ADCK1: variants seen among roughly 807,000 people sequenced by gnomAD.
ADCK1 encodes aarF domain-containing protein kinase 1.
Under a neutral mutation model 52.3 loss-of-function variants are expected in ADCK1, and 41 were observed. The ratio of observed to expected loss-of-function variants is 0.78; its 90% CI spans 0.61 to 1.02. ADCK1 has a LOEUF of 1.02. Ranked by LOEUF, ADCK1 falls within the 50% of genes least tolerant of loss-of-function variation. The pLI is 0.00. For synonymous variants in ADCK1, 250 were observed against 274.6 expected (o/e 0.91, Z 0.89); for missense variants, 658 against 679.5 (o/e 0.97, Z 0.35).
chr14:77,905,782 C>G (rs2083652810), intron 6 of ADCK1, among the ~76,000 whole-genome samples: 1 of 152,110 alleles, frequency 6.6e-6, no homozygotes, highest in Non-Finnish European at 1.5e-5. Context: ...CCACAGCATT[C>G]CAGCCTGGGT....
chr14:77,827,988 C>A (rs1389277838), intron 3 of ADCK1: 1 of 287,272 alleles, frequency 3.5e-6, no homozygotes, highest in Non-Finnish European at 6.8e-6. Flanking sequence ...GCCACCATGC[C>A]CGGATAATTT....
intron 4 of ADCK1, among the ~76,000 whole-genome samples, chr14:77,886,148 T>G (rs1209117686): frequency 6.6e-6 from 1 of 152,250 alleles, no homozygotes; most frequent in East Asian, 1.9e-4. Flanking sequence ...CCCTGGGGTC[T>G]CTGCTGGAGT....
chr14:77,879,019 CACA>C (rs1386783174), intron 4 of ADCK1, among the ~76,000 whole-genome samples: 2 of 151,938 alleles, frequency 1.3e-5, no homozygotes, highest in Admixed American at 6.6e-5. Context: ...TCATTATTAT[CACA>C]ACATTTCCGT....
At chr14:77,932,522 A>G (rs968398108) in intron 10 of ADCK1, among the ~76,000 whole-genome samples, 2 of 152,242 alleles carry the variant, frequency 1.3e-5, no homozygotes, top group African/African-American at 4.8e-5. Context: ...GAGAAAGCCT[A>G]GGTAATGCTC....
chr14:77,850,073 G>T (rs1404238249), intron 3 of ADCK1, among the ~76,000 whole-genome samples: 1 of 152,120 alleles, frequency 6.6e-6, no homozygotes, highest in Non-Finnish European at 1.5e-5. Flanking sequence ...TGGGTGTGGT[G>T]GTGTGTGCCT....
intron 6 of ADCK1, among the ~76,000 whole-genome samples, chr14:77,903,719 G>C (rs2083598182): frequency 6.6e-6 from 1 of 152,106 alleles, no homozygotes; most frequent in East Asian, 1.9e-4. Flanking sequence ...GGTGTGCAGG[G>C]CCATGCCAGG....
intron 3 of ADCK1, among the ~76,000 whole-genome samples, chr14:77,854,517 C>G (rs1192119272): frequency 6.7e-6 from 1 of 149,512 alleles, no homozygotes; most frequent in African/African-American, 2.5e-5. Flanking sequence ...CCAGGGTCAA[C>G]TAATTCTTAG....
intron 1 of ADCK1, among the ~76,000 whole-genome samples, chr14:77,805,175 C>T (rs1278818155): frequency 7.0e-6 from 1 of 142,752 alleles, no homozygotes; most frequent in African/African-American, 2.6e-5. Context: ...CACTGCACTC[C>T]AGCCTGGGCA....
At chr14:77,825,684 C>G (rs1263206642) in intron 3 of ADCK1, among the ~76,000 whole-genome samples, 1 of 150,872 alleles carries the variant, frequency 6.6e-6, no homozygotes, top group Non-Finnish European at 1.5e-5. Flanking sequence ...TCTTGTCACC[C>G]AGGCTGGAGT....
chr14:77,890,039 C>G (rs148310873), intron 5 of ADCK1, among the ~76,000 whole-genome samples: 1 of 152,308 alleles, frequency 6.6e-6, no homozygotes, highest in Non-Finnish European at 1.5e-5. Flanking sequence ...TTGAGCAATG[C>G]TGCTATATTC....
At position 77,825,403 on chromosome 14, in the gene ADCK1, C is replaced by G. The variant is rs540008474; in HGVS notation, c.219+2885C>G. On this transcript the variant is annotated intron_variant, in intron 3 of 10. Coordinates refer to ENST00000238561, the MANE Select transcript of ADCK1 (RefSeq NM_020421.4). Reference sequence around the variant, plus strand: ...ATATTCATTTAGCCTTTTGGAGATGCCATTTGTCATTAGAGATGGTTATGC... The same window carrying G: ...ATATTCATTTAGCCTTTTGGAGATGGCATTTGTCATTAGAGATGGTTATGC... 2.0e-5 allele frequency among the ~76,000 whole-genome samples: 3 copies of G among 152,164 alleles called. No individual in the cohort carries two copies. The South Asian group carries it at 6.2e-4, about 32-fold the overall frequency.
At chr14:77,919,458 G>C (rs2083999401) in intron 7 of ADCK1, among the ~76,000 whole-genome samples, 3 of 152,294 alleles carry the variant, frequency 2.0e-5, no homozygotes, top group East Asian at 3.9e-4. Flanking sequence ...CATGGTCTAT[G>C]TATACCACAT....
Position 77,859,191 on chromosome 14 carries a change from C to G in ADCK1, c.335C>G (p.Thr112Ser). The G allele has an allele frequency of 1.9e-6, 3 of 1,614,042 alleles. No homozygotes were observed. Among genetic ancestry groups the G allele is most frequent in the Non-Finnish European group, 2.5e-6 (3 of 1,180,000 alleles). Residue 112 changes from threonine (T) to serine (S), a missense_variant, in exon 4 of 11, where the codon ACC becomes AGC. Physicochemically the swap from Thr to Ser is moderately conservative, Grantham distance 58. Coordinates refer to ENST00000238561, the MANE Select transcript of ADCK1 (RefSeq NM_020421.4). The stretch of plus-strand genomic sequence containing the variant: ...GACTACCTGTTGCCAGAGGAGTACA[C>G]CAGCACGCTGAAGGTACTGCACAGC... Reference protein sequence around the residue: ...ALDYLLPEEYTSTLKVLHSQA... With the variant: ...ALDYLLPEEYSSTLKVLHSQA...
chr14:77,887,138 C>T lies in ADCK1; in HGVS notation c.471C>T (p.Ala157=). ...TCGATGACACCCCTCTGGGGACGGC[C>T]TCCCTGGCCCAGGTCCACAAGGCAG... ...QSFDDTPLGT[A]SLAQVHKAVL... Residue 157 remains alanine, a synonymous_variant, in exon 5 of 11, where the codon GCC becomes GCT. Transcript: ENST00000238561. 6.2e-7 allele frequency: 1 copy of T among 1,607,324 alleles called. No homozygotes were observed. Among genetic ancestry groups the T allele is most frequent in the Non-Finnish European group, 8.5e-7 (1 of 1,176,700 alleles).
At chr14:77,849,088 AAAGTGCTGGGATTAT>A (rs2082230790) in intron 3 of ADCK1, among the ~76,000 whole-genome samples, 2 of 152,106 alleles carry the variant, frequency 1.3e-5, no homozygotes, top group Non-Finnish European at 2.9e-5. Flanking sequence ...TCGGCCTCCC[AAAGTGCTGGGATTAT>A]AGGCGTGAGC....
intron 6 of ADCK1, among the ~76,000 whole-genome samples, chr14:77,902,153 A>T (rs1324482579): frequency 6.6e-6 from 1 of 152,200 alleles, no homozygotes; most frequent in Non-Finnish European, 1.5e-5. Context: ...ACTAACAGGG[A>T]TGGAATGACT....
chr14:77,928,831 C>T (rs1381576289), intron 9 of ADCK1, among the ~76,000 whole-genome samples: 2 of 152,126 alleles, frequency 1.3e-5, no homozygotes, highest in Non-Finnish European at 2.9e-5. Flanking sequence ...CTTGTCTCTT[C>T]CAGAAAGCCT....
chr14:77,846,842 G>A lies in ADCK1; in HGVS notation c.220-12234G>A, dbSNP rs139370858. ...GCTTTTTCTTCTGTGGACCCGAAGCGGAGAAGCTGATCATATCCATGGAGC... is the reference window on the plus strand; with the variant it reads ...GCTTTTTCTTCTGTGGACCCGAAGCAGAGAAGCTGATCATATCCATGGAGC... On this transcript the variant is annotated intron_variant, in intron 3 of 10. Coordinates refer to ENST00000238561, the MANE Select transcript of ADCK1 (RefSeq NM_020421.4). 1.7e-3 allele frequency among the ~76,000 whole-genome samples: 254 copies of A among 152,336 alleles called. 6 individuals are homozygous for A. Among genetic ancestry groups the A allele is most frequent in the Admixed American group, 0.015 (236 of 15,306 alleles).
At chr14:77,917,969 G>C (rs1389478642) in intron 7 of ADCK1, among the ~76,000 whole-genome samples, 1 of 152,138 alleles carries the variant, frequency 6.6e-6, no homozygotes, top group South Asian at 2.1e-4. Context: ...GTGCTCCTAG[G>C]TTTAGACTAA....
Sources: allele counts gnomAD v4.1 joint callset (sites outside exome capture counted in the v4.1 genomes callset), GRCh38; gene constraint gnomAD v4.1.1; transcripts MANE v1.5; gene names NCBI Gene and HGNC (gene_info 2026-07-23, HGNC 2026-07-21).